ATP8B4: variants seen among roughly 807,000 people sequenced by gnomAD.
ATP8B4 encodes the protein probable phospholipid-transporting ATPase IM.
Under a neutral mutation model 145.6 loss-of-function variants are expected in ATP8B4, and 133 were observed. The ratio of observed to expected loss-of-function variants is 0.91; its 90% CI spans 0.79 to 1.05. ATP8B4 has a LOEUF of 1.05. Ranked by LOEUF, ATP8B4 falls within the 50% of genes least tolerant of loss-of-function variation. ATP8B4 has a pLI of 0.00. For missense variants in ATP8B4, 1,458 were observed against 1,425.2 expected, an observed-to-expected ratio of 1.02 and a Z score of -0.37; for synonymous variants, 507 against 492.9, an observed-to-expected ratio of 1.03 and a Z score of -0.38.
At chr15:50,020,917 T>A (rs1426206157) in intron 6 of ATP8B4, among the ~76,000 whole-genome samples, 1 of 152,182 alleles carries the variant, frequency 6.6e-6, no homozygotes, top group African/African-American at 2.4e-5. Flanking sequence ...TATTGATAGA[T>A]AACAGAATAT....
intron 1 of ATP8B4, among the ~76,000 whole-genome samples, chr15:50,138,544 A>C (rs2153679621): frequency 6.6e-6 from 1 of 152,190 alleles, no homozygotes; most frequent in Middle Eastern, 3.4e-3. Flanking sequence ...AACACCCTAA[A>C]AGGCACCACT....
intron 19 of ATP8B4, chr15:49,917,250 T>C (rs2153451489): frequency 2.0e-6 from 1 of 504,868 alleles, no homozygotes; most frequent in Non-Finnish European, 3.5e-6. Context: ...GCTAAACCCA[T>C]GCACAAGTAG....
At chr15:50,165,923 A>G (rs759943626) in intron 1 of ATP8B4, among the ~76,000 whole-genome samples, 19 of 151,906 alleles carry the variant, frequency 1.3e-4, no homozygotes, top group Non-Finnish European at 2.8e-4. Flanking sequence ...TTCCAAAGAT[A>G]TAAAAGATAT....
intron 8 of ATP8B4, 33 bp from the exon 9 acceptor site, chr15:49,996,792 T>C (rs1445256317): frequency 4.5e-6 from 7 of 1,560,820 alleles, no homozygotes; most frequent in East Asian, 2.3e-5. Flanking sequence ...TGAATTTTTA[T>C]ATGGAACAGC....
intron 1 of ATP8B4, among the ~76,000 whole-genome samples, chr15:50,144,824 T>C (rs539592715): frequency 1.3e-5 from 2 of 152,278 alleles, no homozygotes; most frequent in Admixed American, 1.3e-4. Context: ...ATCTATGATT[T>C]CCTTCAGCAC....
intron 1 of ATP8B4, among the ~76,000 whole-genome samples, chr15:50,130,964 G>T (rs2414023): frequency 0.15 from 23,282 of 152,110 alleles, 2,138 homozygotes; most frequent in Non-Finnish European, 0.21. Flanking sequence ...CATGGCTGGG[G>T]AGTTCTCAGG....
intron 14 of ATP8B4, among the ~76,000 whole-genome samples, chr15:49,957,948 G>A (rs1263987727): frequency 6.6e-6 from 1 of 151,680 alleles, no homozygotes; most frequent in Non-Finnish European, 1.5e-5. Flanking sequence ...CTTAAGAACA[G>A]AGAATACAAG....
chr15:50,083,240 C>T (rs1340637273), intron 2 of ATP8B4, among the ~76,000 whole-genome samples: 1 of 152,134 alleles, frequency 6.6e-6, no homozygotes, highest in East Asian at 1.9e-4. Context: ...TTGGGCAGTT[C>T]ACTAAGAATA....
intron 1 of ATP8B4, among the ~76,000 whole-genome samples, chr15:50,125,111 C>G (rs1003777622): frequency 6.6e-6 from 1 of 152,190 alleles, no homozygotes; most frequent in South Asian, 2.1e-4. Flanking sequence ...TTTTTATAGA[C>G]TGACATCATA....
Position 49,963,608 on chromosome 15 carries a change from G to A in ATP8B4, c.1244-1588C>T, listed in dbSNP as rs531129267. Among the ~76,000 whole-genome samples, 16 of 152,270 alleles carry A rather than the reference G, an allele frequency of 1.1e-4. No individual in the cohort carries two copies. In the East Asian group the frequency reaches 2.3e-3, roughly 22 times the overall value. On this transcript the variant is annotated intron_variant, in intron 13 of 27. Coordinates refer to ENST00000284509, the MANE Select transcript of ATP8B4 (RefSeq NM_024837.4). ...AAGGAATGAGGTCATGTCCTTTGCCGGGACATGGATAGAGCTGGAATCCAT... is the reference window on the plus strand; with the variant it reads ...AAGGAATGAGGTCATGTCCTTTGCCAGGACATGGATAGAGCTGGAATCCAT...
chr15:49,950,611 C>CAAAAAAAAAAAAA (rs1316878072), intron 14 of ATP8B4, among the ~76,000 whole-genome samples: 1 of 107,194 alleles, frequency 9.3e-6, no homozygotes, highest in South Asian at 2.7e-4. Flanking sequence ...AACAAACAAA[C>CAAAAAAAAAAAAA]AAACAAACAA....
chr15:49,863,062 T>A (rs2032137290), intron 26 of ATP8B4, among the ~76,000 whole-genome samples: 1 of 152,228 alleles, frequency 6.6e-6, no homozygotes, highest in African/African-American at 2.4e-5. Context: ...ATGTTCCAGA[T>A]GCAGGTACAA....
Position 49,898,152 on chromosome 15 carries a change from G to A in ATP8B4, c.2389C>T (p.Gln797Ter), listed in dbSNP as rs1421380058. The change falls in exon 22 of 28, where the codon CAA becomes TAA. Residue 797 changes from glutamine (Q) to a stop codon, truncating the protein, a stop_gained. Transcript: ENST00000284509. LOFTEE classifies it high-confidence loss of function. The stretch of plus-strand genomic sequence containing the variant: ...TACTTCTTCACCAGCTCTACCACTT[G>A]GGCTTTCTGGAGTGGAGTGACCCTG... Reference protein sequence around the residue: ...CCRVTPLQKAQVVELVKKYRN... With the variant: ...CCRVTPLQKA 6.2e-7 allele frequency: 1 copy of A among 1,613,842 alleles called. No homozygotes were observed. The highest frequency in any genetic ancestry group is 8.5e-7 in the Non-Finnish European group (1 of 1,179,878).
intron 14 of ATP8B4, among the ~76,000 whole-genome samples, chr15:49,950,801 A>G (rs1400625684): frequency 6.6e-6 from 1 of 152,020 alleles, no homozygotes; most frequent in Non-Finnish European, 1.5e-5. Flanking sequence ...TAGGGTGTTG[A>G]TTTGAGAACT....
chr15:50,036,215 A>G (rs1220711100), intron 6 of ATP8B4, among the ~76,000 whole-genome samples: 2 of 152,196 alleles, frequency 1.3e-5, no homozygotes, highest in African/African-American at 4.8e-5. Flanking sequence ...GATGAGAAGC[A>G]ACAGAGGAAA....
At chr15:49,902,380 C>T (rs1002550443) in intron 20 of ATP8B4, 7 of 152,148 alleles carry the variant, frequency 4.6e-5, no homozygotes, top group Non-Finnish European at 1.0e-4. Flanking sequence ...CTGTTTTAGC[C>T]CTCAGCTGTC....
chr15:50,060,082 TGCCTCG>T (rs969198539), intron 3 of ATP8B4, among the ~76,000 whole-genome samples: 25 of 152,276 alleles, frequency 1.6e-4, no homozygotes, highest in African/African-American at 6.0e-4. Flanking sequence ...AAAAGGCACT[TGCCTCG>T]GCCGAGCCAG....
chr15:49,960,480 T>C (rs1380501381), intron 14 of ATP8B4, among the ~76,000 whole-genome samples: 1 of 152,256 alleles, frequency 6.6e-6, no homozygotes, highest in East Asian at 1.9e-4. Context: ...AATAAATGGG[T>C]AAAGTCAGTA....
chr15:50,170,650 A>AC (rs879635924), intron 1 of ATP8B4, among the ~76,000 whole-genome samples: 31 of 152,252 alleles, frequency 2.0e-4, no homozygotes, highest in Admixed American at 7.9e-4. Flanking sequence ...ACAAAACAAA[A>AC]AAAAACAAAG....
Sources: gnomAD v4.1 joint callset for allele counts (sites outside exome capture counted in the v4.1 genomes callset) on GRCh38, gnomAD v4.1.1 for gene constraint, MANE v1.5 for transcripts, NCBI Gene and HGNC (gene_info 2026-07-23, HGNC 2026-07-21) for gene names.